LRRC4C: variants seen among roughly 807,000 people sequenced by gnomAD.
LRRC4C encodes leucine-rich repeat-containing protein 4C.
Under a neutral mutation model 33.6 loss-of-function variants are expected in LRRC4C, and 5 were observed. The observed-to-expected ratio is 0.15, with a 90% CI of 0.08 to 0.31. The LOEUF is 0.31. LRRC4C is among the 10% of genes least tolerant of loss of function. The pLI is 1.00. For missense variants in LRRC4C, 560 were observed against 796.7 expected (o/e 0.70, Z 3.58); for synonymous variants, 329 against 302.0 (o/e 1.09, Z -0.93).
chr11:40,388,986 T>C (rs1949226784), intron 3 of LRRC4C, among the ~76,000 whole-genome samples: 1 of 152,164 alleles, frequency 6.6e-6, no homozygotes, highest in Non-Finnish European at 1.5e-5. Context: ...TTCATTCTAG[T>C]GATGTCCTTC....
intron 3 of LRRC4C, among the ~76,000 whole-genome samples, chr11:40,323,462 G>A (rs1945950855): frequency 6.6e-6 from 1 of 152,152 alleles, no homozygotes; most frequent in East Asian, 1.9e-4. Context: ...CACCTTCATA[G>A]TTTCATAAAC....
At chr11:40,564,835 T>A (rs1957690342) in intron 3 of LRRC4C, among the ~76,000 whole-genome samples, 1 of 152,156 alleles carries the variant, frequency 6.6e-6, no homozygotes, top group South Asian at 2.1e-4. Context: ...CAGGGGTAAT[T>A]GACTGGCAAG....
chr11:40,966,264 C>T (rs886847589), intron 1 of LRRC4C, among the ~76,000 whole-genome samples: 5 of 151,954 alleles, frequency 3.3e-5, no homozygotes, highest in African/African-American at 7.2e-5. Flanking sequence ...TGCATCTTTA[C>T]ATTTTTAAAA....
intron 2 of LRRC4C, among the ~76,000 whole-genome samples, chr11:40,917,023 G>A (rs1342274924): frequency 6.6e-6 from 1 of 151,942 alleles, no homozygotes. Context: ...CTTACATATA[G>A]TAAAAATTTA....
chr11:40,529,152 A>T (rs556192389), intron 3 of LRRC4C, among the ~76,000 whole-genome samples: 35 of 152,272 alleles, frequency 2.3e-4, no homozygotes, highest in African/African-American at 7.9e-4. Flanking sequence ...TTATGAGGGT[A>T]GATATCAAGT....
chr11:41,410,535 G>A (rs1402273672), intron 1 of LRRC4C, among the ~76,000 whole-genome samples: 2 of 151,702 alleles, frequency 1.3e-5, no homozygotes, highest in African/African-American at 4.8e-5. Context: ...CCACCTTCTG[G>A]GTTCACGCCA....
intron 3 of LRRC4C, among the ~76,000 whole-genome samples, chr11:40,591,338 G>A (rs1230659987): frequency 6.6e-6 from 1 of 152,122 alleles, no homozygotes; most frequent in African/African-American, 2.4e-5. Flanking sequence ...TGCTTCAGCT[G>A]GTGCACGGTG....
At chr11:40,186,781 C>G (rs564648392) in intron 5 of LRRC4C, among the ~76,000 whole-genome samples, 9 of 152,210 alleles carry the variant, frequency 5.9e-5, no homozygotes, top group Non-Finnish European at 7.3e-5. Context: ...CTGCCTCTCT[C>G]TGACATTTCT....
intron 2 of LRRC4C, among the ~76,000 whole-genome samples, chr11:40,689,428 G>A (rs1304466079): frequency 1.3e-5 from 2 of 151,796 alleles, no homozygotes; most frequent in African/African-American, 2.4e-5. Flanking sequence ...AGCACACAAG[G>A]GGATATGTGT....
intron 3 of LRRC4C, chr11:40,446,495 G>T (rs1267941385): frequency 6.6e-6 from 1 of 152,122 alleles, no homozygotes; most frequent in Non-Finnish European, 1.5e-5. Flanking sequence ...ATTGCAATTT[G>T]CCACAAATGT....
intron 1 of LRRC4C, among the ~76,000 whole-genome samples, chr11:41,229,549 C>A (rs1947691360): frequency 6.6e-6 from 1 of 152,118 alleles, no homozygotes; most frequent in Non-Finnish European, 1.5e-5. Context: ...ATTAATTTCT[C>A]AACTTGCCCT....
intron 6 of LRRC4C, among the ~76,000 whole-genome samples, chr11:40,126,258 T>C (rs1056080666): frequency 1.3e-5 from 2 of 152,154 alleles, no homozygotes; most frequent in African/African-American, 4.8e-5. Context: ...TTCTTAGGGT[T>C]TATGTTTCTC....
At chr11:41,080,997 T>C (rs1457302631) in intron 1 of LRRC4C, among the ~76,000 whole-genome samples, 2 of 152,178 alleles carry the variant, frequency 1.3e-5, no homozygotes, top group Non-Finnish European at 2.9e-5. Context: ...TTGGGTTCAG[T>C]TTCATTTTCT....
chr11:40,597,193 G>A (rs576943097), intron 3 of LRRC4C, among the ~76,000 whole-genome samples: 1 of 152,204 alleles, frequency 6.6e-6, no homozygotes, highest in South Asian at 2.1e-4. Flanking sequence ...TTGGTAACAT[G>A]TCTGTCTTCT....
intron 5 of LRRC4C, among the ~76,000 whole-genome samples, chr11:40,240,589 C>T (rs1865867220): frequency 6.6e-6 from 1 of 152,122 alleles, no homozygotes; most frequent in South Asian, 2.1e-4. Flanking sequence ...GTGGCCATTA[C>T]ATAATGGATT....
chr11:41,425,666 A>C (rs541249312), intron 1 of LRRC4C, among the ~76,000 whole-genome samples: 1 of 152,248 alleles, frequency 6.6e-6, no homozygotes, highest in African/African-American at 2.4e-5. Flanking sequence ...TAATAGCAAT[A>C]CTTAGCATTT....
intron 2 of LRRC4C, among the ~76,000 whole-genome samples, chr11:40,689,493 T>C (rs1476104581): frequency 6.6e-6 from 1 of 152,096 alleles, no homozygotes; most frequent in Non-Finnish European, 1.5e-5. Flanking sequence ...AACATTAATA[T>C]AATGAACAAG....
intron 1 of LRRC4C, among the ~76,000 whole-genome samples, chr11:41,166,052 A>C (rs955626583): frequency 1.3e-5 from 2 of 151,784 alleles, no homozygotes; most frequent in Non-Finnish European, 1.5e-5. Context: ...AAAGTCCCCA[A>C]ATCTCTTGGT....
chr11:41,122,100 AG>A (rs1397539693), intron 1 of LRRC4C, among the ~76,000 whole-genome samples: 2 of 152,152 alleles, frequency 1.3e-5, no homozygotes, highest in East Asian at 3.9e-4. Context: ...GAGATGCAAA[AG>A]CAAAAATATA....
Sources: gnomAD v4.1 joint callset for allele counts (sites outside exome capture counted in the v4.1 genomes callset) on GRCh38, gnomAD v4.1.1 for gene constraint, MANE v1.5 for transcripts, NCBI Gene and HGNC (gene_info 2026-07-23, HGNC 2026-07-21) for gene names.